ENAH: variants seen among roughly 807,000 people sequenced by gnomAD.
The protein encoded by ENAH is protein enabled homolog.
Under a neutral mutation model 78.7 loss-of-function variants are expected in ENAH, and 23 were observed. The ratio of observed to expected loss-of-function variants is 0.29; its 90% CI spans 0.21 to 0.41. The LOEUF (loss-of-function observed/expected upper bound fraction) is 0.41, where lower values mean the gene tolerates loss of function less well. Among genes scored for constraint, ENAH ranks in the 10% least tolerant of loss-of-function variants. The pLI is 1.00. For missense variants in ENAH, 544 were observed against 691.0 expected, an observed-to-expected ratio of 0.79 and a Z score of 2.39; for synonymous variants, 226 against 241.0, an observed-to-expected ratio of 0.94 and a Z score of 0.58.
chr1:225,525,927 T>C (rs1173399524), intron 4 of ENAH, among the ~76,000 whole-genome samples: 2 of 152,182 alleles, frequency 1.3e-5, no homozygotes, highest in East Asian at 1.9e-4. Flanking sequence ...GCTGGACTTT[T>C]GGTGAGCTTT....
chr1:225,515,670 T>C (rs977967186), intron 6 of ENAH, among the ~76,000 whole-genome samples: 1 of 152,212 alleles, frequency 6.6e-6, no homozygotes, highest in African/African-American at 2.4e-5. Context: ...GTAGGTGCTC[T>C]TTTAGTTAAG....
intron 1 of ENAH, among the ~76,000 whole-genome samples, chr1:225,615,486 G>A (rs1391554121): frequency 2.0e-5 from 3 of 152,230 alleles, no homozygotes; most frequent in East Asian, 1.9e-4. Context: ...AGTGAGGAGC[G>A]TCTCTGCCTG....
At chr1:225,633,735 A>T (rs778755533) in intron 1 of ENAH, among the ~76,000 whole-genome samples, 5 of 152,172 alleles carry the variant, frequency 3.3e-5, no homozygotes, top group Non-Finnish European at 5.9e-5. Flanking sequence ...ATATTCAACA[A>T]ATAATATCTA....
intron 1 of ENAH, among the ~76,000 whole-genome samples, chr1:225,583,808 C>A (rs1159515319): frequency 8.3e-5 from 11 of 132,742 alleles, no homozygotes; most frequent in Admixed American, 1.5e-4. Flanking sequence ...ACCTCCATCT[C>A]AAAAAAAAAA....
intron 1 of ENAH, among the ~76,000 whole-genome samples, chr1:225,591,835 T>G (rs1171050684): frequency 6.6e-6 from 1 of 150,842 alleles, no homozygotes; most frequent in Non-Finnish European, 1.5e-5. Context: ...AGTACTAAAT[T>G]ATTCAGGGCA....
At chr1:225,547,753 CT>C (rs1408492015) in intron 3 of ENAH, among the ~76,000 whole-genome samples, 2 of 152,182 alleles carry the variant, frequency 1.3e-5, no homozygotes, top group Non-Finnish European at 2.9e-5. Context: ...ATTCTTCCCA[CT>C]TTTTGTACAG....
At chr1:225,536,511 A>G (rs2096562303) in intron 3 of ENAH, among the ~76,000 whole-genome samples, 1 of 152,094 alleles carries the variant, frequency 6.6e-6, no homozygotes. Context: ...GGTATTAACC[A>G]AGAAACAATT....
At chr1:225,504,957 A>G in intron 11 of ENAH, 1 of 1,554,874 alleles carries the variant, frequency 6.4e-7, no homozygotes, top group Non-Finnish European at 8.9e-7. Flanking sequence ...GTTATTTAAA[A>G]GTCTCAAATC....
intron 1 of ENAH, among the ~76,000 whole-genome samples, chr1:225,639,918 T>C (rs565576326): frequency 5.6e-4 from 86 of 152,312 alleles, no homozygotes; most frequent in Admixed American, 1.6e-3. Flanking sequence ...GGAGTCTACC[T>C]TACCTCTGGA....
At chr1:225,599,824 GA>G (rs2096921589) in intron 1 of ENAH, among the ~76,000 whole-genome samples, 1 of 135,204 alleles carries the variant, frequency 7.4e-6, no homozygotes, top group African/African-American at 2.8e-5. Flanking sequence ...AAAAAAAAGT[GA>G]CCCCCTTTAT....
At chr1:225,539,509 A>G (rs2096578998) in intron 3 of ENAH, among the ~76,000 whole-genome samples, 1 of 152,166 alleles carries the variant, frequency 6.6e-6, no homozygotes, top group South Asian at 2.1e-4. Flanking sequence ...AGCATCATCT[A>G]ATTAAGTTGC....
At chr1:225,647,459 C>T (rs776778781) in intron 1 of ENAH, among the ~76,000 whole-genome samples, 2 of 152,166 alleles carry the variant, frequency 1.3e-5, no homozygotes, top group African/African-American at 4.8e-5. Context: ...ACACTTGTAG[C>T]CACTTCCAAG....
chr1:225,550,954 G>A (rs2096638069), intron 3 of ENAH, among the ~76,000 whole-genome samples: 2 of 151,928 alleles, frequency 1.3e-5, no homozygotes, highest in Admixed American at 1.3e-4. Context: ...TAAAAGTTGG[G>A]CAAATTTGCC....
intron 3 of ENAH, chr1:225,535,673 C>A: frequency 2.4e-6 from 1 of 414,926 alleles, no homozygotes; most frequent in Non-Finnish European, 4.5e-6. Context: ...TTTATACATA[C>A]GTCCTATCTA....
intron 2 of ENAH, among the ~76,000 whole-genome samples, chr1:225,565,359 C>T (rs1459787982): frequency 2.0e-5 from 3 of 151,984 alleles, no homozygotes; most frequent in East Asian, 1.9e-4. Context: ...CGCTTGAACC[C>T]GGGAAGGAGA....
At chr1:225,557,432 A>G (rs2096672549) in intron 2 of ENAH, among the ~76,000 whole-genome samples, 2 of 152,188 alleles carry the variant, frequency 1.3e-5, no homozygotes, top group South Asian at 4.1e-4. Context: ...TACACTGGCT[A>G]GAAATAACAA....
rs559550011 is a variant in ENAH, at chr1:225,640,292, G to C, written c.5+12394C>G. Among the ~76,000 whole-genome samples the C allele has an allele frequency of 3.9e-5, 6 of 152,158 alleles. No homozygotes were observed. In the East Asian group the frequency reaches 1.2e-3, roughly 29 times the overall value. ...TAACACATAGTTGCAACCATAACAT[G>C]AATGTTTTCATAGTTTTGTTTCATT... On this transcript the variant is annotated intron_variant, in intron 1 of 13. Transcript: ENST00000366843.
chr1:225,591,763 T>TGAAAA (rs1558871217), intron 1 of ENAH, among the ~76,000 whole-genome samples: 1 of 38,850 alleles, frequency 2.6e-5, no homozygotes, highest in African/African-American at 1.6e-4. Flanking sequence ...AGACTCCGTC[T>TGAAAA]CAAAAAAAAA....
At chr1:225,541,358 C>T (rs977308149) in intron 3 of ENAH, among the ~76,000 whole-genome samples, 2 of 152,068 alleles carry the variant, frequency 1.3e-5, no homozygotes, top group African/African-American at 4.8e-5. Flanking sequence ...TTGCTTGAAC[C>T]CGGGAGGCGG....
Sources: gnomAD v4.1 joint callset for allele counts (sites outside exome capture counted in the v4.1 genomes callset) on GRCh38, gnomAD v4.1.1 for gene constraint, MANE v1.5 for transcripts, NCBI Gene and HGNC (gene_info 2026-07-23, HGNC 2026-07-21) for gene names.